The following PPP6R3 variants were observed in gnomAD, a reference collection of about 807,000 sequenced individuals.
PPP6R3 encodes serine/threonine-protein phosphatase 6 regulatory subunit 3.
A neutral mutation model predicts 110.7 loss-of-function variants in PPP6R3; 38 were observed. That is an observed-to-expected ratio of 0.34 (90% confidence interval 0.26 to 0.45). The LOEUF (loss-of-function observed/expected upper bound fraction) is 0.45, where lower values mean the gene tolerates loss of function less well. Ranked by LOEUF, PPP6R3 falls within the 20% of genes least tolerant of loss-of-function variation. The pLI is 1.00. For synonymous variants in PPP6R3, 369 were observed against 373.5 expected, an observed-to-expected ratio of 0.99 and a Z score of 0.14; for missense variants, 870 against 1,062.4, an observed-to-expected ratio of 0.82 and a Z score of 2.52.
intron 16 of PPP6R3, among the ~76,000 whole-genome samples, chr11:68,588,973 G>A (rs1409919743): frequency 3.3e-5 from 5 of 151,860 alleles, no homozygotes; most frequent in Admixed American, 1.3e-4. Context: ...TTGGGAGGCC[G>A]AGCCGGGCGG....
At chr11:68,514,417 A>G (rs1455751482) in intron 1 of PPP6R3, among the ~76,000 whole-genome samples, 1 of 151,750 alleles carries the variant, frequency 6.6e-6, no homozygotes, top group Non-Finnish European at 1.5e-5. Context: ...TTCTTTATGA[A>G]TGTAGTTTGT....
chr11:68,489,721 T>A (rs1000965979), intron 1 of PPP6R3, among the ~76,000 whole-genome samples: 7 of 152,074 alleles, frequency 4.6e-5, no homozygotes, highest in African/African-American at 1.2e-4. Flanking sequence ...TTTTTTTTTT[T>A]AAGACATAAT....
At chr11:68,573,243 C>T (rs761226690) in intron 12 of PPP6R3, among the ~76,000 whole-genome samples, 3 of 148,458 alleles carry the variant, frequency 2.0e-5, no homozygotes, top group Non-Finnish European at 3.0e-5. Flanking sequence ...CTCTGCCTAC[C>T]GGGTTCAAGA....
chr11:68,574,415 A>G (rs2099522440), intron 13 of PPP6R3, among the ~76,000 whole-genome samples, 191 bp downstream of exon 13: 2 of 152,094 alleles, frequency 1.3e-5, no homozygotes, highest in African/African-American at 2.4e-5. Flanking sequence ...ATTTATGTTC[A>G]TGTAGTTACA....
intron 22 of PPP6R3, among the ~76,000 whole-genome samples, chr11:68,605,495 A>T (rs1177666897): frequency 1.3e-5 from 2 of 152,226 alleles, no homozygotes; most frequent in African/African-American, 4.8e-5. Context: ...ATAAAATTAG[A>T]TATTTTGTCT....
intron 1 of PPP6R3, among the ~76,000 whole-genome samples, chr11:68,483,136 T>C (rs1387071908): frequency 1.3e-5 from 2 of 152,210 alleles, no homozygotes; most frequent in African/African-American, 2.4e-5. Flanking sequence ...GTTATTTTGC[T>C]TTTTTGTCTT....
chr11:68,587,712 T>C (rs2099583227), intron 15 of PPP6R3: 2 of 622,942 alleles, frequency 3.2e-6, no homozygotes, highest in Non-Finnish European at 5.8e-6. Flanking sequence ...TACAGTGACA[T>C]GTGCATTAGA....
intron 1 of PPP6R3, among the ~76,000 whole-genome samples, chr11:68,479,264 G>A (rs2098878705): frequency 6.6e-6 from 1 of 152,182 alleles, no homozygotes; most frequent in Non-Finnish European, 1.5e-5. Flanking sequence ...CTATTAAACA[G>A]CAGCAGATGC....
At chr11:68,492,064 T>C (rs1308314938) in intron 1 of PPP6R3, among the ~76,000 whole-genome samples, 2 of 152,200 alleles carry the variant, frequency 1.3e-5, no homozygotes, top group Non-Finnish European at 2.9e-5. Flanking sequence ...CTTGTGTAAA[T>C]TGCATCATAC....
chr11:68,562,349 G>A (rs1008529785), intron 8 of PPP6R3, among the ~76,000 whole-genome samples: 1 of 152,198 alleles, frequency 6.6e-6, no homozygotes, highest in Non-Finnish European at 1.5e-5. Flanking sequence ...ACTCAGTATT[G>A]TTAAGATGTC....
At chr11:68,526,401 G>A (rs1478332080) in intron 2 of PPP6R3, among the ~76,000 whole-genome samples, 1 of 151,952 alleles carries the variant, frequency 6.6e-6, no homozygotes, top group African/African-American at 2.4e-5. Flanking sequence ...CACCATGCCC[G>A]ACTGATTTTT....
intron 12 of PPP6R3, 182 bp downstream of exon 12, chr11:68,571,286 G>A (rs1227990441): frequency 2.3e-6 from 2 of 886,118 alleles, no homozygotes; most frequent in African/African-American, 3.5e-5. Flanking sequence ...ATAATTTCTT[G>A]TTAGGTCCTC....
intron 1 of PPP6R3, among the ~76,000 whole-genome samples, chr11:68,501,910 A>G (rs2099050831): frequency 6.6e-6 from 1 of 152,248 alleles, no homozygotes; most frequent in South Asian, 2.1e-4. Context: ...GGAAGCTGCA[A>G]ACTTAAGCAA....
At position 68,613,082 on chromosome 11, in the gene PPP6R3, G is replaced by A. The variant is rs761993308; in HGVS notation, c.2587G>A (p.Ala863Thr). 2.5e-5 allele frequency: 41 copies of A among 1,613,924 alleles called. No homozygotes were observed. The highest frequency in any genetic ancestry group is 3.3e-5 in the Non-Finnish European group (39 of 1,180,000). ...SPEQRTGQPS[A>T]PGDTSVNGPV ...GCTCCTTAGGACTGGCCAACCAAGC[G>A]CACCAGGTGACACTTCAGTGAATGG... is the stretch of plus-strand genomic sequence containing the variant. Residue 863 changes from alanine (A) to threonine (T), a missense_variant, in exon 24 of 24, where the codon GCA becomes ACA. Coordinates refer to ENST00000393800, the MANE Select transcript of PPP6R3 (RefSeq NM_001164161.2).
intron 5 of PPP6R3, among the ~76,000 whole-genome samples, chr11:68,550,749 G>A (rs888888574): frequency 2.0e-5 from 3 of 152,030 alleles, no homozygotes; most frequent in Non-Finnish European, 2.9e-5. Context: ...TGGAATGAAC[G>A]TGCTCTTACA....
rs67739319 is a variant in PPP6R3 at position 68,506,414 on chromosome 11, C to CAAAAAAAAAAAAAAAAAA, written c.-157-13070_-157-13053dup. On this transcript the variant is annotated intron_variant, in intron 1 of 23. Coordinates refer to ENST00000393800, the MANE Select transcript of PPP6R3 (RefSeq NM_001164161.2). ...ACTGCTGCACCCAGCCCTTTATACT[C>CAAAAAAAAAAAAAAAAAA]AAAAAAAAAAAAAAAAAAAAAAAAA... Among the ~76,000 whole-genome samples, 22 of 46,074 alleles carry CAAAAAAAAAAAAAAAAAA rather than the reference C, an allele frequency of 4.8e-4. 2 individuals carry two copies. Among genetic ancestry groups the CAAAAAAAAAAAAAAAAAA allele is most frequent in the Non-Finnish European group, 6.8e-4 (16 of 23,484 alleles). The allele number at this position is 46,074 out of a possible 152,430, so 30.2% of individuals were successfully genotyped here.
At position 68,468,304 on chromosome 11, in the gene PPP6R3, A is replaced by G. The variant is rs566166773; in HGVS notation, c.-158+7477A>G. Among the ~76,000 whole-genome samples the G allele has an allele frequency of 2.6e-5, 4 of 152,304 alleles. No individual in the cohort carries two copies. The East Asian group carries it at 5.8e-4, about 22-fold the overall frequency. ...GTATGTGTCAGTTTTTTGTCACTGTATAGTAGTTGAGGAGTTCTTTTTTGT... is the reference window on the plus strand; with the variant it reads ...GTATGTGTCAGTTTTTTGTCACTGTGTAGTAGTTGAGGAGTTCTTTTTTGT... On this transcript the variant is annotated intron_variant, in intron 1 of 23. Coordinates refer to ENST00000393800, the MANE Select transcript of PPP6R3 (RefSeq NM_001164161.2).
intron 14 of PPP6R3, among the ~76,000 whole-genome samples, chr11:68,576,684 C>T (rs571346885): frequency 1.3e-5 from 2 of 152,258 alleles, no homozygotes; most frequent in East Asian, 1.9e-4. Context: ...GAAAGCATTT[C>T]CTTTTACAAG....
intron 2 of PPP6R3, chr11:68,522,620 C>T (rs1319079949): frequency 6.6e-6 from 1 of 152,244 alleles, no homozygotes; most frequent in Non-Finnish European, 1.5e-5. Context: ...GTTGGTGCTA[C>T]TGGTTCAGTA....
Sources: gnomAD v4.1 joint callset for allele counts (sites outside exome capture counted in the v4.1 genomes callset) on GRCh38, gnomAD v4.1.1 for gene constraint, MANE v1.5 for transcripts, NCBI Gene and HGNC (gene_info 2026-07-23, HGNC 2026-07-21) for gene names.